The following KCNJ4 variants were observed in gnomAD, a reference collection of about 807,000 sequenced individuals.
The protein encoded by KCNJ4 is inward rectifier potassium channel 4.
A neutral mutation model predicts 25.6 loss-of-function variants in KCNJ4; 3 were observed. The observed-to-expected ratio is 0.12, with a 90% confidence interval of 0.05 to 0.30. KCNJ4 has a LOEUF of 0.30. KCNJ4 is among the 10% of genes least tolerant of loss of function. The pLI is 1.00. For synonymous variants in KCNJ4, 257 were observed against 283.9 expected (o/e 0.91, Z 0.95); for missense variants, 286 against 666.8 (o/e 0.43, Z 6.29).
At chr22:38,444,263 G>A (rs750930074) in intron 1 of KCNJ4, among the ~76,000 whole-genome samples, 1 of 152,102 alleles carries the variant, frequency 6.6e-6, no homozygotes. Flanking sequence ...AATATCTAAC[G>A]ACTGACAAAC....
At chr22:38,442,439 C>T (rs1181344828) in intron 1 of KCNJ4, among the ~76,000 whole-genome samples, 1 of 147,858 alleles carries the variant, frequency 6.8e-6, no homozygotes. Flanking sequence ...CCCAGCTACT[C>T]GGGAGGCTGA....
At chr22:38,438,028 CA>C (rs2089304925) in intron 1 of KCNJ4, among the ~76,000 whole-genome samples, 1 of 151,740 alleles carries the variant, frequency 6.6e-6, no homozygotes, top group East Asian at 2.0e-4. Context: ...CACCTGAGGT[CA>C]GGAGTTTGAG....
At position 38,427,649 on chromosome 22, in the gene KCNJ4, C is replaced by T. The variant is rs1475409490; in HGVS notation, c.484G>A (p.Val162Ile). 1.1e-5 allele frequency: 17 copies of T among 1,613,136 alleles called. No homozygotes were observed. Among genetic ancestry groups the T allele is most frequent in the Middle Eastern group, 1.6e-4 (1 of 6,084 alleles). Residue 162 changes from valine (V) to isoleucine (I), a missense_variant, in exon 2 of 2, where the codon GTC (valine) becomes ATC (isoleucine). By Grantham distance (29) the Val-to-Ile change is conservative. Coordinates refer to ENST00000303592, the MANE Select transcript of KCNJ4 (RefSeq NM_152868.3). ...GTGCCAATCATGAAGGAGTCGATGACGCAGCCCACGATGGACTGGACCACC... is the reference window on the plus strand; with the variant it reads ...GTGCCAATCATGAAGGAGTCGATGATGCAGCCCACGATGGACTGGACCACC... ...AVVVQSIVGCVIDSFMIGTIM... is the reference protein window; with the variant it reads ...AVVVQSIVGCIIDSFMIGTIM...
intron 1 of KCNJ4, among the ~76,000 whole-genome samples, chr22:38,430,079 C>T (rs541930176): frequency 6.6e-4 from 100 of 152,250 alleles, no homozygotes; most frequent in African/African-American, 2.3e-3. Flanking sequence ...ACCCTGACTC[C>T]GAGTTCTTCT....
chr22:38,448,806 G>A (rs1294425331), intron 1 of KCNJ4, among the ~76,000 whole-genome samples: 3 of 152,160 alleles, frequency 2.0e-5, no homozygotes, highest in Non-Finnish European at 4.4e-5. Context: ...GCCGCAGACA[G>A]GAGCTGCTGG....
chr22:38,428,108 G>C lies in KCNJ4; in HGVS notation c.25C>G (p.Gln9Glu). The change falls in exon 2 of 2, where the codon CAG becomes GAG. Residue 9 changes from glutamine to glutamate, a missense_variant. By Grantham distance (29) the Gln-to-Glu change is conservative. This residue lies in a region of KCNJ4 where 32 missense variants were observed against 38.4 expected (regional missense o/e 0.83). Transcript: ENST00000303592. The part of the protein sequence containing the change: MHGHSRNG[Q>E]AHVPRRKRRN... ...CGCTTCCGCCGGGGCACGTGGGCCT[G>C]GCCGTTGCGGCTGTGTCCGTGCATG... 6.2e-7 allele frequency: 1 copy of C among 1,612,522 alleles called. No homozygotes were observed. The highest frequency in any genetic ancestry group is 1.3e-5 in the African/African-American group (1 of 75,060).
intron 1 of KCNJ4, among the ~76,000 whole-genome samples, chr22:38,442,851 T>C (rs2089346607): frequency 6.6e-6 from 1 of 152,126 alleles, no homozygotes; most frequent in Non-Finnish European, 1.5e-5. Flanking sequence ...CAAGCGATCC[T>C]CCCACCCCAG....
chr22:38,433,538 A>G (rs753914604), intron 1 of KCNJ4, among the ~76,000 whole-genome samples: 9 of 152,128 alleles, frequency 5.9e-5, no homozygotes, highest in Non-Finnish European at 1.2e-4. Context: ...GCTGGTCTCA[A>G]ACTCCTGGTC....
intron 1 of KCNJ4, among the ~76,000 whole-genome samples, chr22:38,453,968 G>A (rs1017355264): frequency 8.5e-5 from 13 of 152,178 alleles, no homozygotes; most frequent in African/African-American, 3.1e-4. Flanking sequence ...CCTCAGCACA[G>A]GCCAAGCCAG....
chr22:38,428,586 C>T (rs2145931048), intron 1 of KCNJ4, among the ~76,000 whole-genome samples: 1 of 152,260 alleles, frequency 6.6e-6, no homozygotes, highest in South Asian at 2.1e-4. Flanking sequence ...TGGATTCCAT[C>T]TCTGCACTTT....
chr22:38,445,919 G>A (rs2089371242), intron 1 of KCNJ4, among the ~76,000 whole-genome samples: 1 of 152,136 alleles, frequency 6.6e-6, no homozygotes, highest in African/African-American at 2.4e-5. Flanking sequence ...ACAACCATGT[G>A]GGGAATTGTT....
chr22:38,427,822 C>A lies in KCNJ4; in HGVS notation c.311G>T (p.Gly104Val), dbSNP rs1437305984. The A allele has an allele frequency of 3.7e-6, 6 of 1,609,446 alleles. No individual in the cohort carries two copies. In the South Asian group the frequency reaches 6.6e-5, roughly 18 times the overall value. The change falls in exon 2 of 2, where the codon GGC (glycine) becomes GTC (valine). Residue 104 changes from glycine (G) to valine (V), a missense_variant. By Grantham distance (109) the Gly-to-Val change is moderately radical. This residue lies in a region of KCNJ4 where 22 missense variants were observed against 25.8 expected (regional missense o/e 0.85). Coordinates refer to ENST00000303592, the MANE Select transcript of KCNJ4 (RefSeq NM_152868.3). The stretch of plus-strand genomic sequence containing the variant: ...CTTGGGGGCCACCGGGGCTGCTCCG[C>A]CACCACCCGCCGCCGGGCCCCCCGC... Reference protein sequence around the residue: ...PAAGGPAAGGGGAAPVAPKPC... With the variant: ...PAAGGPAAGGVGAAPVAPKPC...
intron 1 of KCNJ4, among the ~76,000 whole-genome samples, chr22:38,428,460 T>G (rs796246033): frequency 7.9e-5 from 12 of 152,256 alleles, no homozygotes; most frequent in African/African-American, 2.6e-4. Flanking sequence ...CCTCCGGCCC[T>G]CCTATGCTCA....
rs1284447630 is a variant in KCNJ4, at chr22:38,428,032, T to A, written c.101A>T (p.Asn34Ile). 6.2e-7 allele frequency: 1 copy of A among 1,614,200 alleles called. No individual in the cohort carries two copies. Among genetic ancestry groups the A allele is most frequent in the Non-Finnish European group, 8.5e-7 (1 of 1,179,988 alleles). The change falls in exon 2 of 2, where the codon AAC becomes ATC. Residue 34 changes from asparagine (N) to isoleucine (I), a missense_variant. This residue lies in a region of KCNJ4 where 36 missense variants were observed against 103.2 expected (regional missense o/e 0.35). Transcript: ENST00000303592. ...GTAGCGCTGCGACTTGTTGCTCAGG[T>A]TGGCGAAGTACACGTTGCATTGGCC... ...KNGQCNVYFANLSNKSQRYMA... is the reference protein window; with the variant it reads ...KNGQCNVYFAILSNKSQRYMA...
intron 1 of KCNJ4, among the ~76,000 whole-genome samples, chr22:38,430,273 C>T (rs1007084987): frequency 6.6e-6 from 1 of 152,146 alleles, no homozygotes; most frequent in Non-Finnish European, 1.5e-5. Flanking sequence ...GAGGCCGAGG[C>T]GGGTGGATCA....
intron 1 of KCNJ4, among the ~76,000 whole-genome samples, chr22:38,444,361 G>C (rs974616211): frequency 6.6e-6 from 1 of 152,218 alleles, no homozygotes; most frequent in Admixed American, 6.5e-5. Context: ...TTTTTGACAC[G>C]GTAGTCAGGG....
chr22:38,446,984 ACGCCC>A (rs1569124190), intron 1 of KCNJ4, among the ~76,000 whole-genome samples: 124 of 151,188 alleles, frequency 8.2e-4, no homozygotes, highest in African/African-American at 2.8e-3. Context: ...ACAGAGGCAA[ACGCCC>A]ACCCTTACGG....
Position 38,426,784 on chromosome 22 carries a change from G to T in KCNJ4, c.*11C>A. 6.3e-7 allele frequency: 1 copy of T among 1,597,470 alleles called. No homozygotes were observed. ...GCTCTTGTGGGCAGTGGTGAGGGCC[G>T]GGCCTGGAGGTCAGATGGCAGACTC... is the stretch of plus-strand genomic sequence containing the variant. On this transcript the variant is annotated 3_prime_UTR_variant, in exon 2 of 2. Coordinates refer to ENST00000303592, the MANE Select transcript of KCNJ4 (RefSeq NM_152868.3).
chr22:38,448,059 C>CAAAAAA (rs11422111), intron 1 of KCNJ4, among the ~76,000 whole-genome samples: 2 of 104,324 alleles, frequency 1.9e-5, no homozygotes, highest in East Asian at 2.7e-4. Context: ...GTGAGACTCT[C>CAAAAAA]AAAAAAAAAA....
Sources: allele counts gnomAD v4.1 joint callset (sites outside exome capture counted in the v4.1 genomes callset), GRCh38; gene constraint gnomAD v4.1.1; regional missense constraint gnomAD v4.1.1; transcripts MANE v1.5; gene names NCBI Gene and HGNC (gene_info 2026-07-23, HGNC 2026-07-21).